SPIDR: variants seen among roughly 807,000 people sequenced by gnomAD.
SPIDR encodes scaffold protein involved in DNA repair.
SPIDR carries 93 observed loss-of-function variants against 104.6 expected under a neutral mutation model. That is an observed-to-expected ratio of 0.89 (90% confidence interval 0.75 to 1.06). The LOEUF is 1.06. Among genes scored for constraint, SPIDR ranks in the 50% least tolerant of loss-of-function variants. The pLI, the probability that SPIDR is intolerant of heterozygous loss-of-function variation, is 0.00. For synonymous variants in SPIDR, 431 were observed against 416.9 expected (o/e 1.03, Z -0.41); for missense variants, 1,154 against 1,111.2 (o/e 1.04, Z -0.55).
At chr8:47,714,331 G>A (rs911879715) in intron 16 of SPIDR, among the ~76,000 whole-genome samples, 2 of 152,188 alleles carry the variant, frequency 1.3e-5, no homozygotes, top group Non-Finnish European at 1.5e-5. Context: ...TCCTGGCTCA[G>A]TTGAGGTAAC....
chr8:47,342,225 A>C (rs2050886938), intron 5 of SPIDR, among the ~76,000 whole-genome samples: 1 of 151,296 alleles, frequency 6.6e-6, no homozygotes, highest in African/African-American at 2.4e-5. Flanking sequence ...GACCTCCTGC[A>C]TGGGCTCCCC....
chr8:47,587,191 C>T (rs1222552135), intron 8 of SPIDR, among the ~76,000 whole-genome samples: 2 of 152,114 alleles, frequency 1.3e-5, no homozygotes, highest in African/African-American at 4.8e-5. Flanking sequence ...TTATAGTTTA[C>T]GTTTATATTC....
In SPIDR at chr8:47,546,438, G is replaced by A. The variant is rs1364603648; in HGVS notation, c.1098-49373G>A. On this transcript the variant is annotated intron_variant, in intron 8 of 19. Coordinates refer to ENST00000297423, the MANE Select transcript of SPIDR (RefSeq NM_001080394.4). ...CTTGTTATCCTTTTGATGTCTACAT[G>A]GTCTATAGTGATATTCCCTTTTTCA... Among the ~76,000 whole-genome samples, 9 of 152,100 alleles carry A rather than the reference G, an allele frequency of 5.9e-5. No individual in the cohort carries two copies. In the East Asian group the frequency reaches 1.3e-3, roughly 23 times the overall value.
intron 5 of SPIDR, among the ~76,000 whole-genome samples, chr8:47,313,069 G>C (rs2044535039): frequency 6.6e-6 from 1 of 152,128 alleles, no homozygotes; most frequent in East Asian, 1.9e-4. Context: ...AGGGCAGTCA[G>C]GCAGGAGAAG....
chr8:47,619,954 A>G (rs2064896087), intron 10 of SPIDR, among the ~76,000 whole-genome samples: 2 of 152,210 alleles, frequency 1.3e-5, no homozygotes. Context: ...AAGAGAAGAA[A>G]GTTTATGCTA....
intron 8 of SPIDR, among the ~76,000 whole-genome samples, chr8:47,493,844 A>G (rs901800367): frequency 4.7e-4 from 71 of 152,178 alleles, no homozygotes; most frequent in African/African-American, 1.6e-3. Context: ...GATATTTACT[A>G]TCTAGAATGA....
At chr8:47,307,232 C>CTT (rs781836480) in intron 5 of SPIDR, among the ~76,000 whole-genome samples, 3 of 139,314 alleles carry the variant, frequency 2.2e-5, no homozygotes, top group East Asian at 2.1e-4. Context: ...TTTCTTTCTT[C>CTT]TTTTTTTTTT....
chr8:47,570,914 A>C (rs1445560998), intron 8 of SPIDR, among the ~76,000 whole-genome samples: 1 of 152,094 alleles, frequency 6.6e-6, no homozygotes, highest in Non-Finnish European at 1.5e-5. Context: ...AATATGGTGA[A>C]ACCCCGTCTC....
chr8:47,302,942 A>G (rs1395671689), intron 5 of SPIDR, among the ~76,000 whole-genome samples: 5 of 152,198 alleles, frequency 3.3e-5, no homozygotes, highest in Admixed American at 2.6e-4. Flanking sequence ...CTCCAGCTGC[A>G]TGCTGGGAGA....
chr8:47,697,195 G>A (rs1374178756), intron 11 of SPIDR, among the ~76,000 whole-genome samples: 1 of 151,612 alleles, frequency 6.6e-6, no homozygotes, highest in Non-Finnish European at 1.5e-5. Context: ...TTTAAAGAGT[G>A]TGGAAGACTT....
At chr8:47,283,629 G>A (rs1254127083) in intron 2 of SPIDR, among the ~76,000 whole-genome samples, 7 of 152,148 alleles carry the variant, frequency 4.6e-5, no homozygotes, top group African/African-American at 1.7e-4. Context: ...AACAAGGTAT[G>A]CCTTTATATT....
intron 8 of SPIDR, chr8:47,511,228 C>T: frequency 6.3e-7 from 1 of 1,589,578 alleles, no homozygotes; most frequent in Non-Finnish European, 8.6e-7. Context: ...CACCAGCCTC[C>T]CACCGTCTGC....
intron 5 of SPIDR, among the ~76,000 whole-genome samples, chr8:47,361,271 A>G (rs1195640842): frequency 6.6e-6 from 1 of 152,218 alleles, no homozygotes; most frequent in African/African-American, 2.4e-5. Flanking sequence ...GGAATAAATC[A>G]TTAATTTTTA....
At chr8:47,345,154 G>A (rs1473869393) in intron 5 of SPIDR, among the ~76,000 whole-genome samples, 1 of 152,172 alleles carries the variant, frequency 6.6e-6, no homozygotes, top group Non-Finnish European at 1.5e-5. Flanking sequence ...GTGTAAGGAA[G>A]GGATCCAGTT....
intron 1 of SPIDR, among the ~76,000 whole-genome samples, chr8:47,278,245 T>C (rs1193601711): frequency 1.3e-5 from 2 of 152,080 alleles, no homozygotes; most frequent in Admixed American, 6.5e-5. Flanking sequence ...AGCCTTGACC[T>C]TCCAGGCTCA....
At chr8:47,501,249 A>T (rs1222118191) in intron 8 of SPIDR, among the ~76,000 whole-genome samples, 1 of 152,130 alleles carries the variant, frequency 6.6e-6, no homozygotes, top group Non-Finnish European at 1.5e-5. Context: ...GGCCATTTTC[A>T]CAATATTGAT....
chr8:47,651,462 C>T (rs2154457026), intron 10 of SPIDR, among the ~76,000 whole-genome samples: 1 of 152,068 alleles, frequency 6.6e-6, no homozygotes, highest in South Asian at 2.1e-4. Flanking sequence ...GATACTGGAA[C>T]GGACGTGGTG....
chr8:47,305,617 A>T (rs1232569009), intron 5 of SPIDR, among the ~76,000 whole-genome samples: 2 of 152,218 alleles, frequency 1.3e-5, no homozygotes, highest in Non-Finnish European at 2.9e-5. Context: ...CTTTAAAAAC[A>T]TTTCTAAATT....
intron 8 of SPIDR, among the ~76,000 whole-genome samples, chr8:47,467,531 T>C (rs2075070898): frequency 6.6e-6 from 1 of 152,184 alleles, no homozygotes; most frequent in African/African-American, 2.4e-5. Flanking sequence ...GTTGGCTTTA[T>C]CCCTGGGATG....
Sources: allele counts gnomAD v4.1 joint callset (sites outside exome capture counted in the v4.1 genomes callset), GRCh38; gene constraint gnomAD v4.1.1; transcripts MANE v1.5; gene names NCBI Gene and HGNC (gene_info 2026-07-23, HGNC 2026-07-21).